SPPL3: variants seen among roughly 807,000 people sequenced by gnomAD.
The protein encoded by SPPL3 is signal peptide peptidase-like 3.
In SPPL3, 5 loss-of-function variants were observed where a neutral mutation model predicts 42.4. The observed-to-expected ratio is 0.12, with a 90% CI of 0.06 to 0.25. The LOEUF is 0.25. Ranked by LOEUF, SPPL3 falls within the 10% of genes least tolerant of loss-of-function variation. The pLI is 1.00. For synonymous variants in SPPL3, 195 were observed against 181.8 expected (o/e 1.07, Z -0.58); for missense variants, 235 against 489.0 (o/e 0.48, Z 4.90).
At chr12:120,785,444 T>C (rs1869689750) in intron 3 of SPPL3, among the ~76,000 whole-genome samples, 2 of 151,916 alleles carry the variant, frequency 1.3e-5, no homozygotes, top group African/African-American at 4.8e-5. Context: ...ATCACAGGAG[T>C]TAGGCCCAGC....
At chr12:120,889,728 A>T (rs1053770372) in intron 1 of SPPL3, among the ~76,000 whole-genome samples, 1 of 152,264 alleles carries the variant, frequency 6.6e-6, no homozygotes, top group African/African-American at 2.4e-5. Context: ...TTGTGGCAAT[A>T]GCTAACTGAT....
chr12:120,765,689 G>A (rs114120253), intron 10 of SPPL3, among the ~76,000 whole-genome samples: 1,532 of 151,582 alleles, frequency 0.01, 38 homozygotes, highest in African/African-American at 0.035. Flanking sequence ...CTCCCTAGAA[G>A]GGGTGCTTTT....
At chr12:120,840,277 CAAAAAAA>C (rs533134400) in intron 1 of SPPL3, among the ~76,000 whole-genome samples, 4 of 44,178 alleles carry the variant, frequency 9.1e-5, no homozygotes, top group East Asian at 7.6e-4. Flanking sequence ...GACTCTGTCT[CAAAAAAA>C]AAAAAAAAAA....
At chr12:120,843,912 C>G (rs776485521) in intron 1 of SPPL3, among the ~76,000 whole-genome samples, 4 of 152,070 alleles carry the variant, frequency 2.6e-5, no homozygotes, top group African/African-American at 9.7e-5. Context: ...GAGCCAGGGT[C>G]GCGCCACTGC....
At chr12:120,854,045 G>T (rs1416623830) in intron 1 of SPPL3, among the ~76,000 whole-genome samples, 1 of 148,088 alleles carries the variant, frequency 6.8e-6, no homozygotes. Flanking sequence ...AAAGGCCAGA[G>T]GGAGAAGAAA....
intron 1 of SPPL3, among the ~76,000 whole-genome samples, chr12:120,879,140 A>G: frequency 6.6e-6 from 1 of 150,606 alleles, no homozygotes; most frequent in East Asian, 1.9e-4. Context: ...AAAAAAGAAT[A>G]AGATAATAAA....
intron 10 of SPPL3, 125 bp from the exon 11 acceptor site, chr12:120,765,195 T>C: frequency 2.5e-6 from 2 of 790,624 alleles, no homozygotes; most frequent in Non-Finnish European, 3.8e-6. Flanking sequence ...GCCAGGCTGG[T>C]CTCAAACTCC....
At chr12:120,863,217 G>A (rs1216414496) in intron 1 of SPPL3, among the ~76,000 whole-genome samples, 2 of 152,028 alleles carry the variant, frequency 1.3e-5, no homozygotes, top group Admixed American at 1.3e-4. Context: ...GTGTGGTGGT[G>A]CATGCCTATA....
At chr12:120,883,834 G>C (rs966730910) in intron 1 of SPPL3, among the ~76,000 whole-genome samples, 2 of 152,312 alleles carry the variant, frequency 1.3e-5, no homozygotes, top group East Asian at 3.9e-4. Flanking sequence ...GGGCGTGGTG[G>C]CTCATGCCTG....
chr12:120,766,200 G>A (rs11065258), intron 10 of SPPL3, 63 bp downstream of exon 10: 45,601 of 1,374,858 alleles, frequency 0.033, 955 homozygotes, highest in South Asian at 0.065. Context: ...CGAGGAGAGT[G>A]CAAACCGAGG....
At chr12:120,853,837 T>C (rs969192620) in intron 1 of SPPL3, among the ~76,000 whole-genome samples, 3 of 152,122 alleles carry the variant, frequency 2.0e-5, no homozygotes, top group Non-Finnish European at 4.4e-5. Flanking sequence ...AAAATTCACA[T>C]TTTCATAGCA....
chr12:120,849,383 C>G (rs1872151242), intron 1 of SPPL3, among the ~76,000 whole-genome samples: 1 of 152,134 alleles, frequency 6.6e-6, no homozygotes, highest in Admixed American at 6.6e-5. Context: ...AACACAATTT[C>G]TGAAGACATT....
chr12:120,769,244 T>G (rs554036201), intron 6 of SPPL3, 185 bp from the exon 7 acceptor site: 95 of 527,584 alleles, frequency 1.8e-4, no homozygotes, highest in Non-Finnish European at 3.1e-4. Flanking sequence ...TGTTTGGACT[T>G]GTGGAATTTG....
chr12:120,814,572 A>G (rs1007085182), intron 1 of SPPL3, among the ~76,000 whole-genome samples: 1 of 152,188 alleles, frequency 6.6e-6, no homozygotes, highest in Non-Finnish European at 1.5e-5. Flanking sequence ...AAAATTCTGA[A>G]AACAAGAAGG....
chr12:120,885,578 T>C (rs189886800), intron 1 of SPPL3, among the ~76,000 whole-genome samples: 57 of 152,302 alleles, frequency 3.7e-4, no homozygotes, highest in Middle Eastern at 6.8e-3. Context: ...TGTTAAAGTA[T>C]TTGTATCTAA....
At chr12:120,838,904 T>C (rs1183915841) in intron 1 of SPPL3, among the ~76,000 whole-genome samples, 1 of 152,192 alleles carries the variant, frequency 6.6e-6, no homozygotes, top group East Asian at 1.9e-4. Flanking sequence ...TTTTACACTG[T>C]TGGTGGGACT....
intron 1 of SPPL3, among the ~76,000 whole-genome samples, chr12:120,850,979 GATGCCATCTGCAA>G (rs1404202966): frequency 6.6e-6 from 1 of 152,136 alleles, no homozygotes; most frequent in Non-Finnish European, 1.5e-5. Flanking sequence ...ATATTAATTT[GATGCCATCTGCAA>G]AGTCTCCTTT....
intron 1 of SPPL3, among the ~76,000 whole-genome samples, chr12:120,819,851 G>GA (rs1210228207): frequency 2.6e-5 from 4 of 152,270 alleles, no homozygotes; most frequent in Admixed American, 2.6e-4. Flanking sequence ...GCCTGGTGAT[G>GA]GAGAACACCA....
chr12:120,880,567 T>A (rs1274040661), intron 1 of SPPL3, among the ~76,000 whole-genome samples: 2 of 151,922 alleles, frequency 1.3e-5, no homozygotes, highest in African/African-American at 2.4e-5. Context: ...AGTGTGCAGA[T>A]CATGAGGTCA....
Sources: gnomAD v4.1 joint callset for allele counts (sites outside exome capture counted in the v4.1 genomes callset) on GRCh38, gnomAD v4.1.1 for gene constraint, MANE v1.5 for transcripts, NCBI Gene and HGNC (gene_info 2026-07-23, HGNC 2026-07-21) for gene names.